The following SPIRE1 variants were observed in gnomAD, a reference collection of about 807,000 sequenced individuals.
SPIRE1 encodes spire type actin nucleation factor 1, also known as protein spire homolog 1.
SPIRE1 carries 40 observed loss-of-function variants against 94.1 expected under a neutral mutation model. The ratio of observed to expected loss-of-function variants is 0.43; its 90% confidence interval spans 0.33 to 0.55. The LOEUF is 0.55. Among genes scored for constraint, SPIRE1 ranks in the 20% least tolerant of loss-of-function variants. The pLI is 0.06. For missense variants in SPIRE1, 838 were observed against 975.2 expected (o/e 0.86, Z 1.87); for synonymous variants, 376 against 371.7 (o/e 1.01, Z -0.13).
chr18:12,455,769 T>C (rs1412112203), intron 12 of SPIRE1, among the ~76,000 whole-genome samples: 2 of 152,124 alleles, frequency 1.3e-5, no homozygotes, highest in Non-Finnish European at 2.9e-5. Flanking sequence ...ACATTATAAT[T>C]CACTCCCACA....
At chr18:12,512,400 A>AAC in intron 5 of SPIRE1, 54 bp downstream of exon 5, 1 of 1,295,968 alleles carries the variant, frequency 7.7e-7, no homozygotes, top group African/African-American at 1.5e-5. Flanking sequence ...AAAAAAAAAA[A>AAC]ATTATACTAT....
chr18:12,486,050 A>T, intron 8 of SPIRE1, 50 bp from the exon 9 acceptor site: 1 of 1,411,246 alleles, frequency 7.1e-7, no homozygotes, highest in Non-Finnish European at 9.6e-7. Flanking sequence ...AGCTGTTAGG[A>T]ATATACAGAG....
At chr18:12,547,936 C>CAAACA (rs568589837) in intron 2 of SPIRE1, among the ~76,000 whole-genome samples, 13 of 141,738 alleles carry the variant, frequency 9.2e-5, no homozygotes, top group East Asian at 2.1e-4. Flanking sequence ...AACAAACAAA[C>CAAACA]AACAACAACA....
rs1417777744 is a variant in SPIRE1, at chr18:12,657,941, G to GCGC, written c.-78_-76dup. On this transcript the variant is annotated 5_prime_UTR_variant, in exon 1 of 17. Transcript: ENST00000409402. ...CTCAGCTCCGGAGCATCGTCGTCGCGCGCCGCCGCCTCACCATCCCCGGAA... is the reference window on the plus strand; with the variant it reads ...CTCAGCTCCGGAGCATCGTCGTCGCGCGCCGCCGCCGCCTCACCATCCCCGGAA... 2.5e-5 allele frequency: 25 copies of GCGC among 1,010,700 alleles called. No individual in the cohort carries two copies. The East Asian group carries it at 1.2e-3, about 49-fold the overall frequency. The allele number at this position is 1,010,700 out of a possible 1,614,324, so 62.6% of individuals were successfully genotyped here. A position where few individuals can be genotyped will look rare whatever the true frequency, so the allele number is the denominator to read the frequency against.
At chr18:12,461,477 C>T (rs1317602025) in intron 12 of SPIRE1, among the ~76,000 whole-genome samples, 22 of 148,956 alleles carry the variant, frequency 1.5e-4, no homozygotes, top group Admixed American at 1.5e-3. Context: ...TATGTACGTA[C>T]ATACATATGT....
chr18:12,510,762 A>G (rs1319598395), intron 5 of SPIRE1, among the ~76,000 whole-genome samples: 1 of 151,658 alleles, frequency 6.6e-6, no homozygotes, highest in Non-Finnish European at 1.5e-5. Flanking sequence ...CTGGTCTCGA[A>G]CTCCTGACTT....
rs58238813 is a variant in SPIRE1, at chr18:12,597,157, T to TACACACACAC, written c.372+37895_372+37904dup. 8.9e-3 allele frequency among the ~76,000 whole-genome samples: 1,281 copies of TACACACACAC among 144,152 alleles called. 7 individuals are homozygous for TACACACACAC. The highest frequency in any genetic ancestry group is 0.023 in the Admixed American group (317 of 14,070). 94.6% of individuals were successfully genotyped at this position (144,152 alleles called of 152,430 possible). A position where few individuals can be genotyped will look rare whatever the true frequency, so the allele number is the denominator to read the frequency against. On this transcript the variant is annotated intron_variant, in intron 2 of 16. Coordinates refer to ENST00000409402, the MANE Select transcript of SPIRE1 (RefSeq NM_001128626.2). ...GCAACTTCCCTCTAGTGTCTCTTTCTACACACACACACACACACACACACA... is the reference window on the plus strand; with the variant it reads ...GCAACTTCCCTCTAGTGTCTCTTTCTACACACACACACACACACACACACACACACACACA...
At chr18:12,536,197 A>C (rs561011933) in intron 3 of SPIRE1, among the ~76,000 whole-genome samples, 2 of 152,306 alleles carry the variant, frequency 1.3e-5, no homozygotes, top group South Asian at 4.1e-4. Context: ...TTGGGAACAG[A>C]AAGAGAACCA....
chr18:12,518,299 C>T (rs2034258454), intron 4 of SPIRE1, among the ~76,000 whole-genome samples: 1 of 152,116 alleles, frequency 6.6e-6, no homozygotes, highest in South Asian at 2.1e-4. Context: ...CGTGAGCAAC[C>T]ACACTGGGCA....
rs945162774 is a variant in SPIRE1 at position 12,652,523 on chromosome 18, G to A, written c.337+5007C>T. Reference sequence around the variant, plus strand: ...TTAACCATACTGCTCATTTTAGGACGTTATACATAATTTAATCTTTTTACT... The same window carrying A: ...TTAACCATACTGCTCATTTTAGGACATTATACATAATTTAATCTTTTTACT... On this transcript the variant is annotated intron_variant, in intron 1 of 16. Coordinates refer to ENST00000409402, the MANE Select transcript of SPIRE1 (RefSeq NM_001128626.2). Among the ~76,000 whole-genome samples, 20 of 152,144 alleles carry A rather than the reference G, an allele frequency of 1.3e-4. 1 individual carries two copies. Among genetic ancestry groups the A allele is most frequent in the African/African-American group, 4.6e-4 (19 of 41,430 alleles).
intron 8 of SPIRE1, among the ~76,000 whole-genome samples, chr18:12,487,365 T>C (rs1441577117): frequency 6.6e-6 from 1 of 151,486 alleles, no homozygotes; most frequent in Non-Finnish European, 1.5e-5. Context: ...CCCCCTCAGA[T>C]AAAAGAAGAC....
chr18:12,591,517 G>T (rs1367072552), intron 2 of SPIRE1, among the ~76,000 whole-genome samples: 1 of 152,182 alleles, frequency 6.6e-6, no homozygotes, highest in Non-Finnish European at 1.5e-5. Context: ...TCCTGACTGA[G>T]AATAGACTCT....
At chr18:12,463,311 G>C in intron 12 of SPIRE1, 40 bp downstream of exon 12, 1 of 1,545,812 alleles carries the variant, frequency 6.5e-7, no homozygotes, top group Non-Finnish European at 8.8e-7. Flanking sequence ...ATGTCTTCTA[G>C]CTGGTCCCTA....
chr18:12,553,231 G>A (rs1160429264), intron 2 of SPIRE1, among the ~76,000 whole-genome samples: 1 of 152,154 alleles, frequency 6.6e-6, no homozygotes, highest in African/African-American at 2.4e-5. Flanking sequence ...TGCAATTTAG[G>A]TACCAGCTTG....
chr18:12,550,426 C>T (rs553024939), intron 2 of SPIRE1, among the ~76,000 whole-genome samples: 54 of 152,262 alleles, frequency 3.5e-4, no homozygotes, highest in African/African-American at 1.2e-3. Flanking sequence ...GACAGGATCT[C>T]ACTCTGTCAC....
At chr18:12,453,033 AAATTT>A in intron 14 of SPIRE1, 30 bp downstream of exon 14, 3 of 1,375,374 alleles carry the variant, frequency 2.2e-6, no homozygotes, top group Non-Finnish European at 3.0e-6. Context: ...TACGACTGTT[AAATTT>A]ATCTTTTCAT....
intron 12 of SPIRE1, chr18:12,459,855 A>G (rs2143569803): frequency 1.0e-6 from 1 of 985,972 alleles, no homozygotes; most frequent in East Asian, 1.1e-4. Context: ...AGAGCTGAGC[A>G]GAGAAGCTGT....
chr18:12,460,994 C>A (rs1421810189), intron 12 of SPIRE1, among the ~76,000 whole-genome samples: 2 of 152,126 alleles, frequency 1.3e-5, no homozygotes, highest in Non-Finnish European at 2.9e-5. Flanking sequence ...CTGTTCAGTG[C>A]TGAGCAGAGC....
intron 6 of SPIRE1, among the ~76,000 whole-genome samples, chr18:12,500,224 C>T (rs914782351): frequency 6.6e-6 from 1 of 152,152 alleles, no homozygotes; most frequent in African/African-American, 2.4e-5. Flanking sequence ...CCAGTCTCTA[C>T]CAGCATGCAA....
Sources: gnomAD v4.1 joint callset for allele counts (sites outside exome capture counted in the v4.1 genomes callset) on GRCh38, gnomAD v4.1.1 for gene constraint, MANE v1.5 for transcripts, NCBI Gene and HGNC (gene_info 2026-07-23, HGNC 2026-07-21) for gene names.